The following SYK variants were observed in gnomAD, a reference collection of about 807,000 sequenced individuals.
SYK encodes the protein spleen associated tyrosine kinase, also known as tyrosine-protein kinase SYK.
A neutral mutation model predicts 77.8 loss-of-function variants in SYK; 16 were observed. The ratio of observed to expected loss-of-function variants is 0.21; its 90% CI spans 0.14 to 0.31. The LOEUF is 0.31. Among genes scored for constraint, SYK ranks in the 10% least tolerant of loss-of-function variants. SYK has a pLI of 1.00. For missense variants in SYK, 529 were observed against 814.4 expected (o/e 0.65, Z 4.26); for synonymous variants, 312 against 308.7 (o/e 1.01, Z -0.11).
At chr9:90,857,160 G>A (rs2118746794) in intron 3 of SYK, among the ~76,000 whole-genome samples, 1 of 152,370 alleles carries the variant, frequency 6.6e-6, no homozygotes, top group South Asian at 2.1e-4. Context: ...TGTTCATTGA[G>A]GAATGAGACT....
At chr9:90,867,577 T>C (rs1827558760) in intron 7 of SYK, among the ~76,000 whole-genome samples, 1 of 152,222 alleles carries the variant, frequency 6.6e-6, no homozygotes, top group African/African-American at 2.4e-5. Context: ...GTTCTGGTAA[T>C]TGATTATGTA....
At position 90,886,637 on chromosome 9, in the gene SYK, G is replaced by A. The variant is rs138912052; in HGVS notation, c.1582-1112G>A. Among the ~76,000 whole-genome samples the A allele has an allele frequency of 2.1e-3, 324 of 152,186 alleles. 5 individuals carry two copies. Among genetic ancestry groups the A allele is most frequent in the Non-Finnish European group, 7.8e-4 (53 of 67,990 alleles). ...GAAGAATGGCATGAACCCAGGAGGC[G>A]GAGCTTGCAGTGAGCTGAAATCACA... On this transcript the variant is annotated intron_variant, in intron 11 of 13. Coordinates refer to ENST00000375754, the MANE Select transcript of SYK (RefSeq NM_003177.7).
Position 90,862,364 on chromosome 9 carries a change from C to T in SYK, c.717+20C>T, listed in dbSNP as rs753016648. The T allele has an allele frequency of 1.2e-5, 20 of 1,611,098 alleles. No homozygotes were observed. The highest frequency in any genetic ancestry group is 1.7e-5 in the Non-Finnish European group (20 of 1,178,296). On this transcript the variant is annotated intron_variant, in intron 4 of 13. Transcript: ENST00000375754. ...TGGCAGGTACCCAGCCTCCTCTCCC[C>T]ACCTTGTGGGTAGAGTACAGGGCAC...
intron 1 of SYK, among the ~76,000 whole-genome samples, chr9:90,841,532 TAGTATGGGG>T (rs1826337119): frequency 7.4e-6 from 1 of 135,290 alleles, no homozygotes; most frequent in Non-Finnish European, 1.7e-5. Context: ...AGTGGGCATG[TAGTATGGGG>T]GTGTATGTGT....
rs113050745 is a variant in SYK, at chr9:90,840,514, C to T, written c.-41-3344C>T. Among the ~76,000 whole-genome samples the T allele has an allele frequency of 3.4e-4, 50 of 145,448 alleles. 1 individual carries two copies. Among genetic ancestry groups the T allele is most frequent in the African/African-American group, 1.3e-3 (50 of 38,930 alleles). ...CGGGCAGATCATGAGGTCAGGAGAT[C>T]GCGACCATCCTGGCTAATGCGGTGA... On this transcript the variant is annotated intron_variant, in intron 1 of 13. Transcript: ENST00000375754.
At chr9:90,862,114 C>T (rs1241880198) in intron 3 of SYK, 92 bp from the exon 4 acceptor site, 1 of 1,420,600 alleles carries the variant, frequency 7.0e-7, no homozygotes. Flanking sequence ...CAGAGAGCGG[C>T]TGCTGACCAT....
intron 11 of SYK, among the ~76,000 whole-genome samples, chr9:90,882,126 A>G (rs1828181340): frequency 6.6e-6 from 1 of 152,266 alleles, no homozygotes; most frequent in African/African-American, 2.4e-5. Flanking sequence ...TTATGCATGT[A>G]TCTAGGTTAT....
chr9:90,896,203 G>GAA lies in SYK; in HGVS notation c.*614_*615dup, dbSNP rs57651872. 2.7e-4 allele frequency: 54 copies of GAA among 197,518 alleles called. No individual in the cohort carries two copies. The highest frequency in any genetic ancestry group is 1.8e-3 in the East Asian group (25 of 13,956). 12.2% of individuals were successfully genotyped at this position (197,518 alleles called of 1,614,324 possible). A position where few individuals can be genotyped will look rare whatever the true frequency, so the allele number is the denominator to read the frequency against. On this transcript the variant is annotated 3_prime_UTR_variant, in exon 14 of 14. Transcript: ENST00000375754. ...GTAGCCAGTTAAGGAAAGAAAGAAA[G>GAA]AAAAAAAAAAAAGGCCTGGATACTG...
chr9:90,879,744 G>A (rs907991673), intron 11 of SYK, among the ~76,000 whole-genome samples: 9 of 152,202 alleles, frequency 5.9e-5, no homozygotes, highest in Non-Finnish European at 1.0e-4. Context: ...GTTTGGTGAG[G>A]CAGAGATTAT....
At chr9:90,884,336 TATACACACATACACATACGTGTATAC>T (rs1828329762) in intron 11 of SYK, among the ~76,000 whole-genome samples, 1 of 135,254 alleles carries the variant, frequency 7.4e-6, no homozygotes, top group East Asian at 2.5e-4. Context: ...TACGTGTATA[TATACACACATACACATACGTGTATAC>T]ATACATACAC....
intron 11 of SYK, 87 bp downstream of exon 11, chr9:90,879,040 G>T: frequency 9.3e-7 from 1 of 1,077,830 alleles, no homozygotes; most frequent in Non-Finnish European, 1.3e-6. Flanking sequence ...TTATTGGTAT[G>T]GTTTCAAAAA....
At chr9:90,840,329 G>T (rs1826248526) in intron 1 of SYK, among the ~76,000 whole-genome samples, 1 of 152,062 alleles carries the variant, frequency 6.6e-6, no homozygotes, top group Non-Finnish European at 1.5e-5. Context: ...AGTATGAGAC[G>T]TGCTGGGCTG....
rs1234697977 is a variant in SYK, at chr9:90,896,932, CAGG to C, written c.*1335_*1337del. 2 of 196,692 alleles carry C rather than the reference CAGG, an allele frequency of 1.0e-5. No homozygotes were observed. The highest frequency in any genetic ancestry group is 2.1e-5 in the Non-Finnish European group (2 of 94,998). 12.2% of individuals were successfully genotyped at this position (196,692 alleles called of 1,614,324 possible). Reference sequence around the variant, plus strand: ...GTCCCAGCTACTCGGGAGGCTGAGGCAGGAGAATCGCTTGAACCCAGGAAACGG... The same window carrying C: ...GTCCCAGCTACTCGGGAGGCTGAGGCAGAATCGCTTGAACCCAGGAAACGG... On this transcript the variant is annotated 3_prime_UTR_variant, in exon 14 of 14. Transcript: ENST00000375754.
intron 1 of SYK, among the ~76,000 whole-genome samples, chr9:90,803,833 G>A (rs1168514488): frequency 6.6e-6 from 1 of 152,178 alleles, no homozygotes; most frequent in Non-Finnish European, 1.5e-5. Flanking sequence ...TGTTGACCCT[G>A]CTGGTTACAT....
At chr9:90,876,454 TGC>T (rs201229485) in intron 9 of SYK, among the ~76,000 whole-genome samples, 9,346 of 152,266 alleles carry the variant, frequency 0.061, 368 homozygotes, top group Middle Eastern at 0.13. Context: ...AGTATATACA[TGC>T]GCACATATAT....
chr9:90,893,502 A>AGGAG (rs906125637), intron 13 of SYK, among the ~76,000 whole-genome samples: 2 of 152,132 alleles, frequency 1.3e-5, no homozygotes, highest in African/African-American at 2.4e-5. Flanking sequence ...AAGGGAGAGA[A>AGGAG]GGAGGGAGGG....
At chr9:90,834,887 C>T (rs1370150085) in intron 1 of SYK, among the ~76,000 whole-genome samples, 1 of 152,200 alleles carries the variant, frequency 6.6e-6, no homozygotes, top group Non-Finnish European at 1.5e-5. Flanking sequence ...ATAAAATGGG[C>T]ACATCAGATT....
At chr9:90,819,064 G>T (rs1825409672) in intron 1 of SYK, among the ~76,000 whole-genome samples, 1 of 152,254 alleles carries the variant, frequency 6.6e-6, no homozygotes, top group Non-Finnish European at 1.5e-5. Context: ...CAGGAGCTGA[G>T]ACTGATATTA....
At chr9:90,852,599 A>G (rs1826860727) in intron 3 of SYK, among the ~76,000 whole-genome samples, 1 of 152,228 alleles carries the variant, frequency 6.6e-6, no homozygotes, top group Non-Finnish European at 1.5e-5. Context: ...GAACAATTTC[A>G]AGGTGACCTT....
Sources: allele counts gnomAD v4.1 joint callset (sites outside exome capture counted in the v4.1 genomes callset), GRCh38; gene constraint gnomAD v4.1.1; transcripts MANE v1.5; gene names NCBI Gene and HGNC (gene_info 2026-07-23, HGNC 2026-07-21).